XIRP2: variants seen among roughly 807,000 people sequenced by gnomAD.
XIRP2 encodes the protein xin actin-binding repeat-containing protein 2.
XIRP2 carries 236 observed loss-of-function variants against 277.0 expected under a neutral mutation model. That is an observed-to-expected ratio of 0.85 (90% confidence interval 0.77 to 0.95). The LOEUF (loss-of-function observed/expected upper bound fraction) is 0.95. Among genes scored for constraint, XIRP2 ranks in the 40% least tolerant of loss-of-function variants. The pLI, the probability that XIRP2 is intolerant of heterozygous loss-of-function variation, is 0.00. For synonymous variants in XIRP2, 1,490 were observed against 1,416.5 expected, an observed-to-expected ratio of 1.05 and a Z score of -1.17; for missense variants, 4,640 against 4,157.5, an observed-to-expected ratio of 1.12 and a Z score of -3.19.
In XIRP2 at chr2:167,248,078, A is replaced by C. The variant is rs781568897; in HGVS notation, c.6686A>C (p.Glu2229Ala). ...TSNVTEMKVSEKSHNTFKATN... is the reference protein window; with the variant it reads ...TSNVTEMKVSAKSHNTFKATN... ...AATGTAACAGAAATGAAAGTCTCTG[A>C]AAAAAGTCACAATACATTTAAGGCA... Residue 2229 changes from glutamate (E) to alanine (A), a missense_variant, in exon 9 of 11, where the codon GAA becomes GCA. Coordinates refer to ENST00000409195, the MANE Select transcript of XIRP2 (RefSeq NM_152381.6). 1 of 1,613,580 alleles carries C rather than the reference A, an allele frequency of 6.2e-7. No homozygotes were observed. Among genetic ancestry groups the C allele is most frequent in the Non-Finnish European group, 8.5e-7 (1 of 1,179,748 alleles).
chr2:166,969,526 G>C (rs1230159768), intron 2 of XIRP2, among the ~76,000 whole-genome samples: 2 of 151,140 alleles, frequency 1.3e-5, no homozygotes, highest in South Asian at 4.2e-4. Flanking sequence ...GTATGAGTGA[G>C]AATAAACGAT....
chr2:167,188,665 C>T (rs911154099), intron 3 of XIRP2, among the ~76,000 whole-genome samples: 1 of 152,222 alleles, frequency 6.6e-6, no homozygotes, highest in Non-Finnish European at 1.5e-5. Flanking sequence ...CTCTGCTCCT[C>T]TGCCTAATCT....
At chr2:167,025,765 T>C (rs890913689) in intron 2 of XIRP2, among the ~76,000 whole-genome samples, 1 of 152,148 alleles carries the variant, frequency 6.6e-6, no homozygotes, top group African/African-American at 2.4e-5. Context: ...TTGAGCGGTT[T>C]TGAGTGAGTT....
chr2:167,008,918 T>A (rs1241844094), intron 2 of XIRP2, among the ~76,000 whole-genome samples: 1 of 151,562 alleles, frequency 6.6e-6, no homozygotes, highest in Non-Finnish European at 1.5e-5. Flanking sequence ...AACATACTTT[T>A]CACCTAATTT....
At chr2:167,009,096 G>A (rs1687589001) in intron 2 of XIRP2, among the ~76,000 whole-genome samples, 2 of 150,948 alleles carry the variant, frequency 1.3e-5, no homozygotes, top group African/African-American at 4.9e-5. Context: ...AAGTTTTAGG[G>A]TACATGTGCA....
At chr2:166,942,195 A>G (rs1685738801) in intron 2 of XIRP2, among the ~76,000 whole-genome samples, 1 of 152,196 alleles carries the variant, frequency 6.6e-6, no homozygotes, top group Non-Finnish European at 1.5e-5. Context: ...GGAGGCACGA[A>G]AACCATGCCA....
chr2:167,017,322 A>G (rs1687852301), intron 2 of XIRP2, among the ~76,000 whole-genome samples: 1 of 151,942 alleles, frequency 6.6e-6, no homozygotes, highest in East Asian at 1.9e-4. Flanking sequence ...TGGTTGCATA[A>G]CTAAAAATTT....
intron 3 of XIRP2, among the ~76,000 whole-genome samples, chr2:167,179,642 A>T (rs1325500561): frequency 5.9e-5 from 8 of 136,466 alleles, no homozygotes; most frequent in South Asian, 4.6e-4. Flanking sequence ...TTATCTGATA[A>T]TTTTTTTTTT....
chr2:167,242,584 GA>G lies in XIRP2; in HGVS notation c.1194del (p.Glu399ArgfsTer9), dbSNP rs766497360. The G allele has an allele frequency of 1.9e-6, 3 of 1,611,884 alleles. No individual in the cohort carries two copies. The East Asian group carries it at 6.7e-5, about 36-fold the overall frequency. The part of the protein sequence containing the change: ...AKQIKTESEY[E>X]ETFKPSSVVS... ...TCCCCTAAAGACTGAAAGTGAATAT[GA>G]AGAGACTTTCAAGCCATCATCAGTT... On this transcript the variant is annotated frameshift_variant, in exon 9 of 11. Coordinates refer to ENST00000409195, the MANE Select transcript of XIRP2 (RefSeq NM_152381.6). LOFTEE classifies it high-confidence loss of function.
intron 2 of XIRP2, among the ~76,000 whole-genome samples, chr2:166,984,392 A>G (rs955334498): frequency 1.3e-5 from 2 of 152,194 alleles, no homozygotes; most frequent in Non-Finnish European, 2.9e-5. Context: ...TAGGAGGCTT[A>G]CAGAAGTCAT....
rs897235755 is a variant in XIRP2 at position 167,229,056 on chromosome 2, C to G, written c.858+10756C>G. 3.3e-5 allele frequency among the ~76,000 whole-genome samples: 5 copies of G among 152,142 alleles called. No individual in the cohort carries two copies. In the East Asian group the frequency reaches 9.7e-4, roughly 29 times the overall value. ...GGAAGTAGCACCTAGACCCTTTCCC[C>G]CAAAGACAAAAGGTCACAGCAAGAG... On this transcript the variant is annotated intron_variant, in intron 5 of 10. Coordinates refer to ENST00000409195, the MANE Select transcript of XIRP2 (RefSeq NM_152381.6).
rs1687622127 is a variant in XIRP2, at chr2:167,010,040, C to T, written c.408+106150C>T. Among the ~76,000 whole-genome samples the T allele has an allele frequency of 2.0e-5, 3 of 152,086 alleles. No individual in the cohort carries two copies. In the South Asian group the frequency reaches 6.2e-4, roughly 32 times the overall value. On this transcript the variant is annotated intron_variant, in intron 2 of 10. Coordinates refer to ENST00000409195, the MANE Select transcript of XIRP2 (RefSeq NM_152381.6). Reference sequence around the variant, plus strand: ...TGCCTGTTCACGCTGATGGTAGTTTCTTTTGCTGTGCAGAAGCTCTTTAGT... The same window carrying T: ...TGCCTGTTCACGCTGATGGTAGTTTTTTTTGCTGTGCAGAAGCTCTTTAGT...
chr2:167,000,513 GT>G (rs201441526), intron 2 of XIRP2, among the ~76,000 whole-genome samples: 40 of 139,336 alleles, frequency 2.9e-4, no homozygotes, highest in Middle Eastern at 3.9e-3. Flanking sequence ...GGGTTTTTTT[GT>G]TTTTTTTTTT....
chr2:167,136,194 T>C, intron 3 of XIRP2, 132 bp downstream of exon 3: 1 of 890,772 alleles, frequency 1.1e-6, no homozygotes, highest in Non-Finnish European at 1.5e-6. Context: ...GTTTAGGAAA[T>C]ACAATTTAGG....
Position 167,016,500 on chromosome 2 carries a change from G to A in XIRP2, c.408+112610G>A, listed in dbSNP as rs577815472. 2.6e-5 allele frequency among the ~76,000 whole-genome samples: 4 copies of A among 151,978 alleles called. No individual in the cohort carries two copies. The East Asian group carries it at 5.8e-4, about 22-fold the overall frequency. The stretch of plus-strand genomic sequence containing the variant: ...AATTCAGCCACATCCCACAAATTGC[G>A]CTGCATCTCTTTACAATTCATGAAC... On this transcript the variant is annotated intron_variant, in intron 2 of 10. Coordinates refer to ENST00000409195, the MANE Select transcript of XIRP2 (RefSeq NM_152381.6).
chr2:167,125,962 C>T (rs1691190912), intron 2 of XIRP2, among the ~76,000 whole-genome samples: 1 of 152,142 alleles, frequency 6.6e-6, no homozygotes, highest in African/African-American at 2.4e-5. Context: ...CTCCAGGCAG[C>T]TGATGCTTCT....
At chr2:166,974,720 CAAGAG>C (rs373793583) in intron 2 of XIRP2, among the ~76,000 whole-genome samples, 160 of 151,732 alleles carry the variant, frequency 1.1e-3, no homozygotes, top group Admixed American at 1.9e-3. Context: ...ATAGGAGTAA[CAAGAG>C]AAGAGAAGAA....
At chr2:166,934,757 A>C (rs899571508) in intron 2 of XIRP2, among the ~76,000 whole-genome samples, 1 of 152,168 alleles carries the variant, frequency 6.6e-6, no homozygotes, top group African/African-American at 2.4e-5. Flanking sequence ...TCACACCTGT[A>C]AACCCAACTC....
intron 2 of XIRP2, among the ~76,000 whole-genome samples, chr2:167,117,203 T>G (rs1202456734): frequency 2.6e-5 from 4 of 152,080 alleles, no homozygotes; most frequent in Admixed American, 2.0e-4. Context: ...TTTTGTGGAG[T>G]AATTTTGCCT....
Sources: allele counts gnomAD v4.1 joint callset (sites outside exome capture counted in the v4.1 genomes callset), GRCh38; gene constraint gnomAD v4.1.1; transcripts MANE v1.5; gene names NCBI Gene and HGNC (gene_info 2026-07-23, HGNC 2026-07-21).